The following GABBR2 variants were observed in gnomAD, a reference collection of about 807,000 sequenced individuals.
The protein encoded by GABBR2 is gamma-aminobutyric acid type B receptor subunit 2, also known as G-protein coupled receptor 51.
GABBR2 carries 23 observed loss-of-function variants against 105.6 expected under a neutral mutation model. The observed-to-expected ratio is 0.22, with a 90% CI of 0.16 to 0.31. The LOEUF (loss-of-function observed/expected upper bound fraction) is 0.31, where lower values mean the gene tolerates loss of function less well. GABBR2 is among the 10% of genes least tolerant of loss of function. The probability of loss-of-function intolerance (pLI) is 1.00; values close to 1 mark genes in which losing one functional copy is unlikely to be tolerated. For synonymous variants in GABBR2, 478 were observed against 499.7 expected, an observed-to-expected ratio of 0.96 and a Z score of 0.58; for missense variants, 734 against 1,245.5, an observed-to-expected ratio of 0.59 and a Z score of 6.18.
At position 98,436,288 on chromosome 9, in the gene GABBR2, T is replaced by TATATATATCCATAA. The variant is rs1554705740; in HGVS notation, c.1236+17692_1236+17693insTTATGGATATATAT. 1.8e-5 allele frequency among the ~76,000 whole-genome samples: 2 copies of TATATATATCCATAA among 109,136 alleles called. 1 individual carries two copies. Among genetic ancestry groups the TATATATATCCATAA allele is most frequent in the African/African-American group, 7.3e-5 (2 of 27,508 alleles). 71.6% of individuals were successfully genotyped at this position (109,136 alleles called of 152,430 possible). ...ATTTAAACAACAACAACCATATATA[T>TATATATATCCATAA]ATATATATATATATACCCATAAATA... On this transcript the variant is annotated intron_variant, in intron 7 of 18. Coordinates refer to ENST00000259455, the MANE Select transcript of GABBR2 (RefSeq NM_005458.8).
Position 98,708,593 on chromosome 9 carries a change from G to T in GABBR2, c.145C>A (p.Pro49Thr). 1 of 1,445,246 alleles carries T rather than the reference G, an allele frequency of 6.9e-7. No homozygotes were observed. The highest frequency in any genetic ancestry group is 9.1e-7 in the Non-Finnish European group (1 of 1,098,762). The allele number at this position is 1,445,246 out of a possible 1,614,324, so 89.5% of individuals were successfully genotyped here. A position where few individuals can be genotyped will look rare whatever the true frequency, so the allele number is the denominator to read the frequency against. The part of the protein sequence containing the change: ...AWGWARGAPR[P>T]PPSSPPLSIM... ...GAGAGCGGCGGGCTGCTGGGCGGCGGCCGGGGGGCGCCCCGCGCCCAGCCC... is the reference window on the plus strand; with the variant it reads ...GAGAGCGGCGGGCTGCTGGGCGGCGTCCGGGGGGCGCCCCGCGCCCAGCCC... The change falls in exon 1 of 19, where the codon CCG becomes ACG. Residue 49 changes from proline to threonine, a missense_variant. Pro to Thr is a conservative substitution (Grantham distance 38). Transcript: ENST00000259455.
chr9:98,394,191 G>A lies in GABBR2; in HGVS notation c.1362C>T (p.Asp454=), dbSNP rs2131507363. 2 of 1,613,088 alleles carry A rather than the reference G, an allele frequency of 1.2e-6. No homozygotes were observed. The highest frequency in any genetic ancestry group is 1.1e-5 in the South Asian group (1 of 91,052). ...AVADTLEIIN[D]TIRFQGSEPP... is the part of the protein sequence containing the mutation. ...CTGCCTTACCTTGGAACCTGATGGT[G>A]TCATTGATGATCTCCAGTGTGTCGG... Residue 454 remains aspartate, a synonymous_variant, in exon 9 of 19, where the codon GAC becomes GAT. Coordinates refer to ENST00000259455, the MANE Select transcript of GABBR2 (RefSeq NM_005458.8).
chr9:98,602,668 G>A (rs1390923309), intron 1 of GABBR2, among the ~76,000 whole-genome samples: 1 of 152,132 alleles, frequency 6.6e-6, no homozygotes, highest in Non-Finnish European at 1.5e-5. Flanking sequence ...AAACAAACCT[G>A]CCCAAGCACT....
At chr9:98,416,820 C>T (rs1832697628) in intron 7 of GABBR2, among the ~76,000 whole-genome samples, 2 of 152,176 alleles carry the variant, frequency 1.3e-5, no homozygotes, top group South Asian at 4.1e-4. Context: ...GTACTCCTTC[C>T]TCCTCCCATC....
chr9:98,346,480 C>A (rs534243172), intron 13 of GABBR2, among the ~76,000 whole-genome samples: 1 of 152,230 alleles, frequency 6.6e-6, no homozygotes, highest in African/African-American at 2.4e-5. Context: ...TTATGGGATA[C>A]AGACTATTTT....
intron 13 of GABBR2, among the ~76,000 whole-genome samples, chr9:98,318,550 A>C (rs1830760486): frequency 2.0e-5 from 3 of 152,072 alleles, no homozygotes; most frequent in Admixed American, 2.0e-4. Context: ...CCAGGCAGGG[A>C]GGATGGGGAG....
At chr9:98,480,740 G>A (rs868342691) in intron 5 of GABBR2, among the ~76,000 whole-genome samples, 192 bp downstream of exon 5, 8 of 152,082 alleles carry the variant, frequency 5.3e-5, no homozygotes, top group East Asian at 1.9e-4. Context: ...CCTCGATGAT[G>A]GTATTGTTCT....
intron 1 of GABBR2, among the ~76,000 whole-genome samples, chr9:98,669,044 T>C (rs986121518): frequency 1.3e-5 from 2 of 152,152 alleles, no homozygotes; most frequent in Non-Finnish European, 2.9e-5. Context: ...CTGCTTTGAA[T>C]TATTTTGAGT....
At chr9:98,554,319 C>T in intron 2 of GABBR2, among the ~76,000 whole-genome samples, 1 of 151,726 alleles carries the variant, frequency 6.6e-6, no homozygotes, top group East Asian at 1.9e-4. Flanking sequence ...AGGATCATGC[C>T]ACTACACTCC....
intron 1 of GABBR2, among the ~76,000 whole-genome samples, chr9:98,636,485 CTTTTTTTTTTTTTT>C (rs10559312): frequency 3.0e-5 from 2 of 66,174 alleles, no homozygotes; most frequent in African/African-American, 1.2e-4. Flanking sequence ...TCTTTCCTTT[CTTTTTTTTTTTTTT>C]TTTTTTTTTT....
intron 1 of GABBR2, among the ~76,000 whole-genome samples, chr9:98,704,914 G>A (rs1830874726): frequency 6.7e-6 from 1 of 150,000 alleles, no homozygotes. Context: ...TACCACTGCA[G>A]TCTGGCTTGA....
intron 3 of GABBR2, among the ~76,000 whole-genome samples, chr9:98,496,985 A>G (rs2131671882): frequency 6.6e-6 from 1 of 152,362 alleles, no homozygotes; most frequent in Middle Eastern, 3.4e-3. Flanking sequence ...ATGATGTTAC[A>G]CGTAACTATG....
intron 7 of GABBR2, among the ~76,000 whole-genome samples, chr9:98,434,036 G>A (rs1385647810): frequency 6.6e-6 from 1 of 152,120 alleles, no homozygotes; most frequent in African/African-American, 2.4e-5. Context: ...ACTGAGGGCT[G>A]GGAAAGGTGG....
At chr9:98,652,951 T>C (rs1186351360) in intron 1 of GABBR2, among the ~76,000 whole-genome samples, 1 of 152,226 alleles carries the variant, frequency 6.6e-6, no homozygotes, top group Non-Finnish European at 1.5e-5. Context: ...CTCATTGGTG[T>C]GGGTGGCCTC....
At chr9:98,458,617 A>G (rs1163241447) in intron 6 of GABBR2, among the ~76,000 whole-genome samples, 1 of 152,186 alleles carries the variant, frequency 6.6e-6, no homozygotes, top group Non-Finnish European at 1.5e-5. Context: ...AGACACAAGA[A>G]TCATTTGAAC....
chr9:98,443,715 G>A (rs2131589981), intron 7 of GABBR2, among the ~76,000 whole-genome samples: 1 of 152,308 alleles, frequency 6.6e-6, no homozygotes, highest in Non-Finnish European at 1.5e-5. Context: ...GTAGACACCA[G>A]GGGTACAGAG....
intron 1 of GABBR2, among the ~76,000 whole-genome samples, chr9:98,620,615 G>T (rs1417629392): frequency 6.6e-6 from 1 of 152,016 alleles, no homozygotes; most frequent in African/African-American, 2.4e-5. Context: ...CTGATAACTG[G>T]GTAGCAGAAG....
intron 1 of GABBR2, among the ~76,000 whole-genome samples, chr9:98,642,198 G>A (rs1270313354): frequency 3.3e-5 from 5 of 152,086 alleles, no homozygotes; most frequent in Admixed American, 6.5e-5. Context: ...GGAAGGTAAC[G>A]GCCTCCCCCT....
intron 13 of GABBR2, among the ~76,000 whole-genome samples, chr9:98,321,484 G>A (rs1348558336): frequency 1.3e-5 from 2 of 152,210 alleles, no homozygotes; most frequent in East Asian, 3.9e-4. Context: ...GCCCGGGAGT[G>A]CACGTGGGTG....
Sources: allele counts gnomAD v4.1 joint callset (sites outside exome capture counted in the v4.1 genomes callset), GRCh38; gene constraint gnomAD v4.1.1; transcripts MANE v1.5; gene names NCBI Gene and HGNC (gene_info 2026-07-23, HGNC 2026-07-21).